The following ANO3 variants were observed in gnomAD, a reference collection of about 807,000 sequenced individuals.
ANO3 encodes anoctamin-3.
Under a neutral mutation model 144.8 loss-of-function variants are expected in ANO3, and 99 were observed. The observed-to-expected ratio is 0.68, with a 90% CI of 0.58 to 0.81. ANO3 has a LOEUF of 0.81. Ranked by LOEUF, ANO3 falls within the 30% of genes least tolerant of loss-of-function variation. ANO3 has a pLI of 0.00. For synonymous variants in ANO3, 414 were observed against 392.6 expected, an observed-to-expected ratio of 1.05 and a Z score of -0.64; for missense variants, 905 against 1,202.2, an observed-to-expected ratio of 0.75 and a Z score of 3.66.
Position 26,201,079 on chromosome 11 carries a change from A to G in ANO3, c.154+11749A>G, listed in dbSNP as rs966732675. The stretch of plus-strand genomic sequence containing the variant: ...CCAAAATCACAAATGCAGAAATTTT[A>G]CCAAAGCTGGCACATTCTCCCTGAA... On this transcript the variant is annotated intron_variant, in intron 1 of 27. Coordinates refer to the ANO3 transcript ENST00000672621. Among the ~76,000 whole-genome samples the G allele has an allele frequency of 3.3e-5, 5 of 152,154 alleles. 1 individual carries two copies. The highest frequency in any genetic ancestry group is 2.6e-4 in the Admixed American group (4 of 15,260).
At chr11:26,373,292 A>C (rs1856313928) in intron 1 of ANO3, among the ~76,000 whole-genome samples, 1 of 152,066 alleles carries the variant, frequency 6.6e-6, no homozygotes, top group Non-Finnish European at 1.5e-5. Context: ...GATCATGGGG[A>C]CGGTTCCCCC....
rs61676196 is a variant in ANO3 at position 26,476,903 on chromosome 11, A to ATGTGTGTG, written c.432+13778_432+13785dup. On this transcript the variant is annotated intron_variant, in intron 4 of 26. Transcript: ENST00000256737. Reference sequence around the variant, plus strand: ...CTGTTATAATTTTGTGTGTGTGTGTATGTGTGTGTGTGTGTGTGTGTGTGT... The same window carrying ATGTGTGTG: ...CTGTTATAATTTTGTGTGTGTGTGTATGTGTGTGTGTGTGTGTGTGTGTGTGTGTGTGT... Among the ~76,000 whole-genome samples the ATGTGTGTG allele has an allele frequency of 1.1e-4, 15 of 141,526 alleles. 1 individual carries two copies. Among genetic ancestry groups the ATGTGTGTG allele is most frequent in the South Asian group, 6.9e-4 (3 of 4,344 alleles). 92.8% of individuals were successfully genotyped at this position (141,526 alleles called of 152,430 possible).
intron 1 of ANO3, among the ~76,000 whole-genome samples, chr11:26,388,592 C>T (rs145926210): frequency 0.01 from 1,587 of 152,190 alleles, 16 homozygotes; most frequent in Non-Finnish European, 0.016. Flanking sequence ...TTACAATATA[C>T]GTATGACTAG....
At chr11:26,465,934 C>A (rs1859586818) in intron 4 of ANO3, among the ~76,000 whole-genome samples, 3 of 151,884 alleles carry the variant, frequency 2.0e-5, no homozygotes, top group African/African-American at 7.2e-5. Flanking sequence ...ATCTTCAGAA[C>A]AATGCATTGT....
chr11:26,600,634 C>G (rs1274820001), intron 17 of ANO3, among the ~76,000 whole-genome samples: 1 of 136,560 alleles, frequency 7.3e-6, no homozygotes, highest in East Asian at 2.2e-4. Flanking sequence ...CTCCCTCCTT[C>G]CCTCCCTCCC....
chr11:26,343,060 T>C (rs1038603968), intron 1 of ANO3, among the ~76,000 whole-genome samples: 1 of 152,172 alleles, frequency 6.6e-6, no homozygotes, highest in Non-Finnish European at 1.5e-5. Flanking sequence ...AGTCACCATG[T>C]TGATATTAGA....
intron 7 of ANO3, 51 bp from the exon 8 acceptor site, chr11:26,531,153 CA>C: frequency 6.3e-7 from 1 of 1,599,490 alleles, no homozygotes; most frequent in Non-Finnish European, 8.5e-7. Flanking sequence ...GGAAGGTAGT[CA>C]TGGCTTTGGA....
chr11:26,332,981 C>A (rs1348893049), intron 1 of ANO3, among the ~76,000 whole-genome samples: 2 of 152,176 alleles, frequency 1.3e-5, no homozygotes, highest in African/African-American at 4.8e-5. Flanking sequence ...AAGTTATCCT[C>A]ACTCTTTGAT....
At chr11:26,229,240 T>C (rs1325574137) in intron 1 of ANO3, among the ~76,000 whole-genome samples, 1 of 152,224 alleles carries the variant, frequency 6.6e-6, no homozygotes, top group Non-Finnish European at 1.5e-5. Context: ...GGTAATATTT[T>C]AAGTGTTTGC....
intron 26 of ANO3, 72 bp from the exon 27 acceptor site, chr11:26,660,190 C>A: frequency 1.5e-6 from 2 of 1,368,896 alleles, no homozygotes; most frequent in Non-Finnish European, 2.1e-6. Context: ...CAACATTGTT[C>A]ATTGTTGTAC....
chr11:26,505,094 G>T (rs920031991), intron 4 of ANO3, among the ~76,000 whole-genome samples: 1 of 149,714 alleles, frequency 6.7e-6, no homozygotes, highest in Non-Finnish European at 1.5e-5. Flanking sequence ...TAATCCAATA[G>T]AGATTACTAT....
At chr11:26,633,774 C>T (rs997994678) in intron 18 of ANO3, among the ~76,000 whole-genome samples, 7 of 152,064 alleles carry the variant, frequency 4.6e-5, no homozygotes, top group African/African-American at 1.4e-4. Context: ...AACTAAGTGC[C>T]TCATAGAACT....
At chr11:26,297,024 T>G (rs558530226) in intron 1 of ANO3, among the ~76,000 whole-genome samples, 16 of 152,180 alleles carry the variant, frequency 1.1e-4, no homozygotes, top group Non-Finnish European at 2.4e-4. Context: ...GGATAGCTCA[T>G]TTCATATTGG....
intron 1 of ANO3, among the ~76,000 whole-genome samples, chr11:26,232,412 G>A (rs1255003003): frequency 6.6e-6 from 1 of 150,436 alleles, no homozygotes; most frequent in Non-Finnish European, 1.5e-5. Context: ...ACATCATAGG[G>A]GACCCTTGAC....
chr11:26,474,378 TTTA>T (rs1169620419), intron 4 of ANO3, among the ~76,000 whole-genome samples: 1 of 151,956 alleles, frequency 6.6e-6, no homozygotes, highest in Non-Finnish European at 1.5e-5. Context: ...TTTGAATGTA[TTTA>T]TTGATTTCAT....
chr11:26,428,222 A>G lies in ANO3; in HGVS notation c.47-13696A>G, dbSNP rs113171220. Among the ~76,000 whole-genome samples the G allele has an allele frequency of 1.1e-3, 161 of 152,332 alleles. 1 individual carries two copies. The highest frequency in any genetic ancestry group is 3.8e-3 in the African/African-American group (156 of 41,576). On this transcript the variant is annotated intron_variant, in intron 1 of 26. Coordinates refer to ENST00000256737, the MANE Select transcript of ANO3 (RefSeq NM_031418.4). ...GGAGGCCCTGAAGAATATAAACAAG[A>G]CAATATAACAGAATTAACACTTAAC...
intron 4 of ANO3, among the ~76,000 whole-genome samples, chr11:26,472,860 A>T (rs1859832500): frequency 6.6e-6 from 1 of 151,908 alleles, no homozygotes; most frequent in Non-Finnish European, 1.5e-5. Flanking sequence ...TTGAGGAATT[A>T]TCACTGTAGA....
At chr11:26,276,544 C>T (rs773691160) in intron 1 of ANO3, among the ~76,000 whole-genome samples, 1 of 152,110 alleles carries the variant, frequency 6.6e-6, no homozygotes, top group Non-Finnish European at 1.5e-5. Context: ...CGTTTCTAAA[C>T]AAATAAACTT....
intron 1 of ANO3, among the ~76,000 whole-genome samples, chr11:26,205,031 C>T (rs1248429212): frequency 6.6e-6 from 1 of 152,090 alleles, no homozygotes; most frequent in East Asian, 1.9e-4. Context: ...CGAGTCCTTC[C>T]TCACAAGGTG....
Sources: allele counts gnomAD v4.1 joint callset (sites outside exome capture counted in the v4.1 genomes callset), GRCh38; gene constraint gnomAD v4.1.1; transcripts MANE v1.5; gene names NCBI Gene and HGNC (gene_info 2026-07-23, HGNC 2026-07-21).